CALN1: variants seen among roughly 807,000 people sequenced by gnomAD.
The protein encoded by CALN1 is calcium-binding protein 8.
CALN1 carries 17 observed loss-of-function variants against 30.6 expected under a neutral mutation model. The observed-to-expected ratio is 0.56, with a 90% CI of 0.38 to 0.83. The LOEUF (loss-of-function observed/expected upper bound fraction) is 0.83, where lower values mean the gene tolerates loss of function less well. CALN1 is among the 40% of genes least tolerant of loss of function. The pLI, the probability that CALN1 is intolerant of heterozygous loss-of-function variation, is 0.00. For missense variants in CALN1, 291 were observed against 354.9 expected (o/e 0.82, Z 1.45); for synonymous variants, 156 against 131.4 (o/e 1.19, Z -1.28).
chr7:72,126,042 G>A (rs1466139604), intron 3 of CALN1, among the ~76,000 whole-genome samples: 14 of 151,806 alleles, frequency 9.2e-5, no homozygotes, highest in Admixed American at 5.2e-4. Context: ...CTCATGATCC[G>A]CCCACCTCGG....
chr7:72,296,182 T>C (rs961508530), intron 2 of CALN1, among the ~76,000 whole-genome samples: 4 of 151,688 alleles, frequency 2.6e-5, no homozygotes, highest in African/African-American at 4.8e-5. Context: ...TTTGCGTATA[T>C]TGAACCAGCC....
intron 2 of CALN1, among the ~76,000 whole-genome samples, chr7:72,303,490 G>A (rs1799434354): frequency 6.6e-6 from 1 of 151,682 alleles, no homozygotes; most frequent in Non-Finnish European, 1.5e-5. Flanking sequence ...CTGGGAGGCA[G>A]AGGCTGCGGT....
intron 5 of CALN1, among the ~76,000 whole-genome samples, chr7:71,876,863 A>G (rs1792275885): frequency 6.6e-6 from 1 of 152,170 alleles, no homozygotes; most frequent in South Asian, 2.1e-4. Flanking sequence ...ATCAATGATT[A>G]CCTTTTATCT....
chr7:72,392,279 T>C (rs1282127061), intron 2 of CALN1, among the ~76,000 whole-genome samples: 2 of 152,212 alleles, frequency 1.3e-5, no homozygotes, highest in African/African-American at 4.8e-5. Context: ...TCGGAGCAGA[T>C]ACAAGCTGTC....
intron 4 of CALN1, among the ~76,000 whole-genome samples, chr7:72,026,204 C>T (rs1215220283): frequency 6.6e-6 from 1 of 152,160 alleles, no homozygotes; most frequent in Non-Finnish European, 1.5e-5. Flanking sequence ...TAATGCATTC[C>T]TGGTGTACTT....
At chr7:72,129,706 G>A (rs941804744) in intron 3 of CALN1, among the ~76,000 whole-genome samples, 3 of 152,096 alleles carry the variant, frequency 2.0e-5, no homozygotes, top group Non-Finnish European at 4.4e-5. Flanking sequence ...CTTAGTGATG[G>A]CCCCCTTAGC....
At chr7:71,963,623 C>CTT (rs776857861) in intron 5 of CALN1, among the ~76,000 whole-genome samples, 1 of 152,126 alleles carries the variant, frequency 6.6e-6, no homozygotes, top group Non-Finnish European at 1.5e-5. Context: ...TTTTTCTCTT[C>CTT]TTTTTTTCTT....
At chr7:72,319,072 G>C (rs1460529450) in intron 2 of CALN1, among the ~76,000 whole-genome samples, 1 of 152,104 alleles carries the variant, frequency 6.6e-6, no homozygotes, top group Non-Finnish European at 1.5e-5. Context: ...ATCAAAAAGA[G>C]ATCTGCACCC....
At chr7:72,229,395 G>A (rs955578804) in intron 3 of CALN1, among the ~76,000 whole-genome samples, 1 of 151,984 alleles carries the variant, frequency 6.6e-6, no homozygotes, top group African/African-American at 2.4e-5. Context: ...GAGGCAAGAG[G>A]ATCGCTTACC....
chr7:71,805,324 A>G (rs898893457), intron 6 of CALN1, among the ~76,000 whole-genome samples: 1 of 152,168 alleles, frequency 6.6e-6, no homozygotes, highest in Non-Finnish European at 1.5e-5. Context: ...GGTTAGCAAG[A>G]GTAGAGAAGA....
intron 2 of CALN1, among the ~76,000 whole-genome samples, chr7:72,369,995 T>C (rs1010914858): frequency 2.0e-5 from 3 of 152,146 alleles, no homozygotes; most frequent in African/African-American, 7.2e-5. Flanking sequence ...AGAAATGTAA[T>C]GTACATCATA....
intron 3 of CALN1, among the ~76,000 whole-genome samples, chr7:72,241,504 C>T (rs1022044468): frequency 1.3e-5 from 2 of 152,020 alleles, no homozygotes; most frequent in South Asian, 2.1e-4. Flanking sequence ...GTCAGGAGTT[C>T]GAGAGCAGCC....
intron 5 of CALN1, among the ~76,000 whole-genome samples, chr7:71,950,834 G>C (rs1337793394): frequency 6.6e-6 from 1 of 152,136 alleles, no homozygotes; most frequent in African/African-American, 2.4e-5. Flanking sequence ...ATGCCAAGCT[G>C]CTCCCACCTT....
chr7:72,148,740 A>T (rs991212264), intron 3 of CALN1, among the ~76,000 whole-genome samples: 21 of 152,096 alleles, frequency 1.4e-4, no homozygotes, highest in Admixed American at 9.2e-4. Context: ...CCCCATCTCT[A>T]TTAAAAATAC....
intron 3 of CALN1, among the ~76,000 whole-genome samples, chr7:72,251,962 T>C (rs1281709915): frequency 6.6e-6 from 1 of 152,202 alleles, no homozygotes; most frequent in Non-Finnish European, 1.5e-5. Flanking sequence ...TTAAGAATTA[T>C]AATTAATTGA....
At chr7:72,444,739 A>G (rs1037859350) in intron 1 of CALN1, among the ~76,000 whole-genome samples, 1 of 152,236 alleles carries the variant, frequency 6.6e-6, no homozygotes, top group African/African-American at 2.4e-5. Context: ...TACAAGCTGC[A>G]TACACAGACT....
intron 2 of CALN1, among the ~76,000 whole-genome samples, chr7:72,335,166 C>T (rs1801929308): frequency 6.6e-6 from 1 of 152,220 alleles, no homozygotes; most frequent in East Asian, 1.9e-4. Context: ...TCCTCCCACC[C>T]CACAAAAAAT....
At chr7:72,475,835 G>A in the CALN1 span, among the ~76,000 whole-genome samples, 9 of 151,846 alleles carry the variant, frequency 5.9e-5, no homozygotes, top group South Asian at 4.1e-4. Context: ...CATAGGGGCC[G>A]GTCTTTCTTG....
chr7:72,487,734 A>AAAGAAAGGAAGG, the CALN1 span, among the ~76,000 whole-genome samples: 969 of 56,568 alleles, frequency 0.017, 57 homozygotes, highest in Non-Finnish European at 0.023. Flanking sequence ...AGAAAGAAAG[A>AAAGAAAGGAAGG]AAGGAAGGAA....
Sources: gnomAD v4.1 joint callset for allele counts (sites outside exome capture counted in the v4.1 genomes callset) on GRCh38, gnomAD v4.1.1 for gene constraint, MANE v1.5 for transcripts, NCBI Gene and HGNC (gene_info 2026-07-23, HGNC 2026-07-21) for gene names.